DYRK1A: variants seen among roughly 807,000 people sequenced by gnomAD.
The protein encoded by DYRK1A is dual specificity tyrosine phosphorylation regulated kinase 1A.
Under a neutral mutation model 79.7 loss-of-function variants are expected in DYRK1A, and 9 were observed. The observed-to-expected ratio is 0.11, with a 90% CI of 0.07 to 0.20. The LOEUF (loss-of-function observed/expected upper bound fraction) is 0.20. DYRK1A is among the 10% of genes least tolerant of loss of function. The probability of loss-of-function intolerance (pLI) is 1.00; values close to 1 mark genes in which losing one functional copy is unlikely to be tolerated. For missense variants in DYRK1A, 622 were observed against 956.0 expected (o/e 0.65, Z 4.61); for synonymous variants, 349 against 329.7 (o/e 1.06, Z -0.63).
chr21:37,461,581 C>A (rs2051838939), intron 2 of DYRK1A, among the ~76,000 whole-genome samples: 1 of 152,084 alleles, frequency 6.6e-6, no homozygotes, highest in Admixed American at 6.6e-5. Flanking sequence ...TTGACAAATT[C>A]TTTCACTTTC....
At chr21:37,403,663 ATGTGTGTGTGTG>A (rs761056038) in intron 1 of DYRK1A, among the ~76,000 whole-genome samples, 3,192 of 121,528 alleles carry the variant, frequency 0.026, 142 homozygotes, top group African/African-American at 0.093. Flanking sequence ...ATATATATAT[ATGTGTGTGTGTG>A]TGTGTGTGTG....
At chr21:37,429,582 C>G in intron 2 of DYRK1A, among the ~76,000 whole-genome samples, 1 of 152,136 alleles carries the variant, frequency 6.6e-6, no homozygotes, top group South Asian at 2.1e-4. Flanking sequence ...TACTCACCAT[C>G]GTGAGAATAG....
chr21:37,394,965 C>T (rs1044045204), intron 1 of DYRK1A, among the ~76,000 whole-genome samples: 4 of 152,322 alleles, frequency 2.6e-5, no homozygotes, highest in Admixed American at 1.3e-4. Context: ...TACAGTTCAC[C>T]TGTGGTTGTC....
chr21:37,491,257 A>G (rs2148615406), intron 7 of DYRK1A, among the ~76,000 whole-genome samples: 1 of 152,138 alleles, frequency 6.6e-6, no homozygotes, highest in Non-Finnish European at 1.5e-5. Flanking sequence ...TATGAAAACT[A>G]CTCTAACAGC....
chr21:37,524,392 CAG>C lies in DYRK1A; in HGVS notation c.*11863_*11864del, dbSNP rs775805082. 1 of 152,180 alleles carries C rather than the reference CAG, an allele frequency of 6.6e-6. No individual in the cohort carries two copies. Among genetic ancestry groups the C allele is most frequent in the Admixed American group, 6.5e-5 (1 of 15,286 alleles). The allele number at this position is 152,180 out of a possible 1,614,324, so 9.4% of individuals were successfully genotyped here. ...AAATTTAAAATTGAATATCTCATCA[CAG>C]AATTTATTCACAAAAATAAAAAATG... On this transcript the variant is annotated 3_prime_UTR_variant, in exon 12 of 12. Transcript: ENST00000647188.
At chr21:37,462,296 T>C (rs945595657) in intron 2 of DYRK1A, among the ~76,000 whole-genome samples, 1 of 152,166 alleles carries the variant, frequency 6.6e-6, no homozygotes, top group Non-Finnish European at 1.5e-5. Context: ...TAAAGAGTGT[T>C]GAATGTCGTC....
At chr21:37,452,891 G>A (rs977641438) in intron 2 of DYRK1A, among the ~76,000 whole-genome samples, 1 of 151,550 alleles carries the variant, frequency 6.6e-6, no homozygotes, top group Non-Finnish European at 1.5e-5. Context: ...GAACAGCACT[G>A]CCAATAGAAA....
intron 11 of DYRK1A, among the ~76,000 whole-genome samples, chr21:37,511,182 G>T (rs1446808686): frequency 1.3e-5 from 2 of 152,194 alleles, no homozygotes; most frequent in African/African-American, 2.4e-5. Flanking sequence ...GGAGAAAGAG[G>T]TTAGAGAAGT....
At chr21:37,476,684 A>T (rs546660153) in intron 3 of DYRK1A, among the ~76,000 whole-genome samples, 1 of 152,376 alleles carries the variant, frequency 6.6e-6, no homozygotes, top group African/African-American at 2.4e-5. Context: ...CTTAAGGAAT[A>T]GTATAAAAAT....
At position 37,515,539 on chromosome 21, in the gene DYRK1A, C is replaced by T. The variant is rs1043550189; in HGVS notation, c.*3008C>T. 6.6e-6 allele frequency: 1 copy of T among 152,150 alleles called. No individual in the cohort carries two copies. Among genetic ancestry groups the T allele is most frequent in the Non-Finnish European group, 1.5e-5 (1 of 68,038 alleles). The allele number at this position is 152,150 out of a possible 1,614,324, so 9.4% of individuals were successfully genotyped here. A position where few individuals can be genotyped will look rare whatever the true frequency, so the allele number is the denominator to read the frequency against. On this transcript the variant is annotated 3_prime_UTR_variant, in exon 12 of 12. Transcript: ENST00000647188. ...TTGGATGAAGGAAGGAATACGAATACTCATTCTTCCTTCCCTAACTCCTCG... is the reference window on the plus strand; with the variant it reads ...TTGGATGAAGGAAGGAATACGAATATTCATTCTTCCTTCCCTAACTCCTCG...
intron 1 of DYRK1A, among the ~76,000 whole-genome samples, chr21:37,381,753 A>C (rs958326499): frequency 6.6e-6 from 1 of 152,110 alleles, no homozygotes; most frequent in Non-Finnish European, 1.5e-5. Flanking sequence ...GTGCCAGTGT[A>C]CTCCAGCCTG....
intron 1 of DYRK1A, among the ~76,000 whole-genome samples, chr21:37,373,080 A>G (rs890944755): frequency 2.1e-5 from 3 of 146,318 alleles, no homozygotes; most frequent in African/African-American, 7.3e-5. Flanking sequence ...GTTTAGATTC[A>G]TAGAATGATA....
chr21:37,396,564 T>C (rs1387329921), intron 1 of DYRK1A, among the ~76,000 whole-genome samples: 2 of 152,116 alleles, frequency 1.3e-5, no homozygotes, highest in Non-Finnish European at 2.9e-5. Context: ...GTTCTATGAT[T>C]TTAGAATCTA....
intron 9 of DYRK1A, among the ~76,000 whole-genome samples, chr21:37,497,817 T>G (rs2053318642): frequency 6.6e-6 from 1 of 152,194 alleles, no homozygotes; most frequent in Non-Finnish European, 1.5e-5. Flanking sequence ...TTTTCCCTTT[T>G]AAAATTGGAA....
chr21:37,495,196 GTGTGT>G (rs2053230057), intron 8 of DYRK1A, among the ~76,000 whole-genome samples: 10 of 126,258 alleles, frequency 7.9e-5, no homozygotes, highest in African/African-American at 2.1e-4. Context: ...GTGTGTGTGT[GTGTGT>G]GGTTATTTAA....
rs1386764928 is a variant in DYRK1A, at chr21:37,375,546, A to G, written c.-77+7918A>G. ...TTTTTTTTTTTTTTTTTTTTTTGAG[A>G]TGGAGTTTCACTTTTGTCACCCAGG... is the stretch of plus-strand genomic sequence containing the variant. On this transcript the variant is annotated intron_variant, in intron 1 of 11. Transcript: ENST00000647188. 1.3e-4 allele frequency among the ~76,000 whole-genome samples: 8 copies of G among 63,458 alleles called. 1 individual carries two copies. The Admixed American group carries it at 1.7e-3, about 14-fold the overall frequency. 41.6% of individuals were successfully genotyped at this position (63,458 alleles called of 152,430 possible). A position where few individuals can be genotyped will look rare whatever the true frequency, so the allele number is the denominator to read the frequency against.
chr21:37,410,045 A>G (rs1266195310), intron 1 of DYRK1A, among the ~76,000 whole-genome samples: 1 of 152,248 alleles, frequency 6.6e-6, no homozygotes, highest in East Asian at 1.9e-4. Flanking sequence ...CAAAAGGAAC[A>G]TGAATCTGTG....
upstream of DYRK1A, chr21:37,365,650 G>C (rs1340761908): frequency 2.6e-5 from 4 of 152,156 alleles, no homozygotes; most frequent in Non-Finnish European, 5.9e-5. Flanking sequence ...ATAAAAATCA[G>C]CGAAAGCCAG....
chr21:37,511,879 T>G (rs1243528912), intron 11 of DYRK1A, 32 bp from the exon 12 acceptor site: 2 of 1,593,792 alleles, frequency 1.3e-6, no homozygotes, highest in Admixed American at 3.4e-5. Context: ...AACAGTCCTC[T>G]GAAAAATCCT....
Sources: gnomAD v4.1 joint callset for allele counts (sites outside exome capture counted in the v4.1 genomes callset) on GRCh38, gnomAD v4.1.1 for gene constraint, MANE v1.5 for transcripts, NCBI Gene and HGNC (gene_info 2026-07-23, HGNC 2026-07-21) for gene names.